Variants in SGSM1 observed in about 807,000 individuals in gnomAD.
The protein encoded by SGSM1 is small G protein signaling modulator 1.
SGSM1 carries 73 observed loss-of-function variants against 133.8 expected under a neutral mutation model. The observed-to-expected ratio is 0.55, with a 90% CI of 0.45 to 0.66. The LOEUF (loss-of-function observed/expected upper bound fraction) is 0.66. Among genes scored for constraint, SGSM1 ranks in the 30% least tolerant of loss-of-function variants. The probability of loss-of-function intolerance (pLI) is 0.00; values close to 1 mark genes in which losing one functional copy is unlikely to be tolerated. For missense variants in SGSM1, 1,213 were observed against 1,448.1 expected (o/e 0.84, Z 2.64); for synonymous variants, 563 against 573.0 (o/e 0.98, Z 0.25).
At chr22:24,871,788 C>T (rs1931779247) in intron 12 of SGSM1, among the ~76,000 whole-genome samples, 3 of 152,174 alleles carry the variant, frequency 2.0e-5, no homozygotes, top group Admixed American at 6.5e-5. Context: ...TCAACTTCAA[C>T]CCACATGGAA....
intron 19 of SGSM1, among the ~76,000 whole-genome samples, chr22:24,899,438 G>A (rs906866594): frequency 2.7e-5 from 4 of 150,800 alleles, no homozygotes; most frequent in African/African-American, 7.3e-5. Context: ...TGTCAGTCAT[G>A]TTTTCCTCTT....
At chr22:24,807,231 G>A (rs777906200) in intron 2 of SGSM1, among the ~76,000 whole-genome samples, 1 of 152,178 alleles carries the variant, frequency 6.6e-6, no homozygotes, top group Admixed American at 6.5e-5. Flanking sequence ...AGTCCTTGGG[G>A]TAGCATCTCG....
At chr22:24,902,712 A>G (rs1933210039) in intron 20 of SGSM1, among the ~76,000 whole-genome samples, 1 of 151,538 alleles carries the variant, frequency 6.6e-6, no homozygotes, top group African/African-American at 2.4e-5. Flanking sequence ...AATAATAAAA[A>G]TAATTATTGA....
intron 15 of SGSM1, 46 bp downstream of exon 15, chr22:24,884,244 G>A (rs756144764): frequency 2.6e-6 from 4 of 1,568,432 alleles, no homozygotes; most frequent in Non-Finnish European, 2.6e-6. Context: ...GAGGCTGCAG[G>A]GGGGTCATCT....
rs994480540 is a variant in SGSM1, at chr22:24,925,902, A to G, written c.*1628A>G. 2 of 152,096 alleles carry G rather than the reference A, an allele frequency of 1.3e-5. No homozygotes were observed. Among genetic ancestry groups the G allele is most frequent in the Non-Finnish European group, 2.9e-5 (2 of 68,052 alleles). 9.4% of individuals were successfully genotyped at this position (152,096 alleles called of 1,614,324 possible). ...AAACAGACCCGAAGTGAACTAGTTTACTCTGCCTACCTGTCCTTTCAATAG... is the reference window on the plus strand; with the variant it reads ...AAACAGACCCGAAGTGAACTAGTTTGCTCTGCCTACCTGTCCTTTCAATAG... On this transcript the variant is annotated 3_prime_UTR_variant, in exon 25 of 25. Transcript: ENST00000400358.
At chr22:24,865,162 C>T (rs1601936249) in intron 9 of SGSM1, among the ~76,000 whole-genome samples, 1 of 152,320 alleles carries the variant, frequency 6.6e-6, no homozygotes, top group East Asian at 1.9e-4. Flanking sequence ...ACCGGGCATT[C>T]CAGTGCTCAG....
Position 24,883,967 on chromosome 22 carries a change from G to A in SGSM1, c.1496-86G>A, listed in dbSNP as rs117150493. ...AAACAAAAATTTTAAAAAATTTGAG[G>A]TGGGACAGAACTTGGGAAGTCCCAT... On this transcript the variant is annotated intron_variant, in intron 14 of 24. Transcript: ENST00000400358. The A allele has an allele frequency of 4.3e-3, 6,152 of 1,423,940 alleles. 14 individuals are homozygous for A. The highest frequency in any genetic ancestry group is 5.1e-3 in the Non-Finnish European group (5,564 of 1,083,278). 88.2% of individuals were successfully genotyped at this position (1,423,940 alleles called of 1,614,324 possible).
chr22:24,874,532 G>T lies in SGSM1; in HGVS notation c.1292-2045G>T, dbSNP rs563632035. ...AGAGGGAGTCAGTGGGAGCCAGCCA[G>T]ATGGGACACTACTCTCCCCACGCCA... On this transcript the variant is annotated intron_variant, in intron 12 of 24. Transcript: ENST00000400358. 41 of 1,611,994 alleles carry T rather than the reference G, an allele frequency of 2.5e-5. No homozygotes were observed. In the African/African-American group the frequency reaches 4.8e-4, roughly 19 times the overall value.
chr22:24,851,824 T>C (rs948994141), intron 5 of SGSM1, among the ~76,000 whole-genome samples: 2 of 152,158 alleles, frequency 1.3e-5, no homozygotes, highest in African/African-American at 4.8e-5. Flanking sequence ...GAACAAAGTG[T>C]TTCTGGTGGA....
chr22:24,855,103 G>A (rs764414125), intron 6 of SGSM1, 40 bp downstream of exon 6: 37 of 1,598,924 alleles, frequency 2.3e-5, no homozygotes, highest in Middle Eastern at 3.3e-4. Flanking sequence ...TAGACCCGTG[G>A]TCTTGAGTCT....
intron 2 of SGSM1, among the ~76,000 whole-genome samples, chr22:24,827,711 C>A (rs891401862): frequency 6.6e-6 from 1 of 151,986 alleles, no homozygotes; most frequent in African/African-American, 2.4e-5. Flanking sequence ...CCTCACCTTA[C>A]CCCTAAGAGG....
intron 2 of SGSM1, among the ~76,000 whole-genome samples, chr22:24,841,091 C>G (rs1309044698): frequency 6.6e-6 from 1 of 152,270 alleles, no homozygotes; most frequent in South Asian, 2.1e-4. Context: ...ACCTTGTGAT[C>G]CGCCCGCCTT....
At chr22:24,821,629 A>G (rs919393304) in intron 2 of SGSM1, among the ~76,000 whole-genome samples, 1 of 152,154 alleles carries the variant, frequency 6.6e-6, no homozygotes, top group Non-Finnish European at 1.5e-5. Context: ...GGCACAGGGG[A>G]TCCCATTGCA....
chr22:24,905,995 T>A (rs1933363891), intron 21 of SGSM1, among the ~76,000 whole-genome samples: 1 of 151,962 alleles, frequency 6.6e-6, no homozygotes, highest in Non-Finnish European at 1.5e-5. Flanking sequence ...CCTTCAATAA[T>A]ACAAATGCAG....
chr22:24,897,255 C>T (rs1013492115), intron 18 of SGSM1, among the ~76,000 whole-genome samples: 2 of 151,904 alleles, frequency 1.3e-5, no homozygotes, highest in African/African-American at 4.8e-5. Flanking sequence ...TGGCGAGTGC[C>T]TGTAATCCCA....
chr22:24,893,938 C>T (rs1244647743), intron 17 of SGSM1, among the ~76,000 whole-genome samples: 1 of 152,230 alleles, frequency 6.6e-6, no homozygotes, highest in African/African-American at 2.4e-5. Flanking sequence ...GCCTGGCGCA[C>T]TGCCTGACTT....
chr22:24,884,713 C>T lies in SGSM1; in HGVS notation c.1641+515C>T, dbSNP rs529253163. Among the ~76,000 whole-genome samples, 21 of 152,320 alleles carry T rather than the reference C, an allele frequency of 1.4e-4. No homozygotes were observed. The East Asian group carries it at 4.1e-3, about 29-fold the overall frequency. ...GAAGAGGCCCCAGGGCCCTTCAGGG[C>T]AGCCTTCCAACACCATCACTTCCCA... On this transcript the variant is annotated intron_variant, in intron 15 of 24. Coordinates refer to ENST00000400358, the MANE Select transcript of SGSM1 (RefSeq NM_001098497.3).
chr22:24,891,312 A>G (rs1382963647), intron 16 of SGSM1, among the ~76,000 whole-genome samples: 3 of 152,196 alleles, frequency 2.0e-5, no homozygotes, highest in Non-Finnish European at 2.9e-5. Flanking sequence ...GCGAGCTATG[A>G]TTGTGCCACT....
chr22:24,817,384 C>T (rs1187807581), intron 2 of SGSM1, among the ~76,000 whole-genome samples: 3 of 150,682 alleles, frequency 2.0e-5, no homozygotes, highest in Middle Eastern at 3.5e-3. Flanking sequence ...GATGGAGTCT[C>T]ACTCTGTCGC....
Sources: allele counts gnomAD v4.1 joint callset (sites outside exome capture counted in the v4.1 genomes callset), GRCh38; gene constraint gnomAD v4.1.1; transcripts MANE v1.5; gene names NCBI Gene and HGNC (gene_info 2026-07-23, HGNC 2026-07-21).